NCOR1: variants seen among roughly 807,000 people sequenced by gnomAD.
The protein encoded by NCOR1 is nuclear receptor corepressor 1.
Under a neutral mutation model 288.1 loss-of-function variants are expected in NCOR1, and 63 were observed. The ratio of observed to expected loss-of-function variants is 0.22; its 90% CI spans 0.18 to 0.27. The LOEUF is 0.27. Among genes scored for constraint, NCOR1 ranks in the 10% least tolerant of loss-of-function variants. The pLI is 1.00. For missense variants in NCOR1, 2,397 were observed against 3,019.2 expected (o/e 0.79, Z 4.83); for synonymous variants, 1,007 against 1,065.9 (o/e 0.94, Z 1.08).
intron 19 of NCOR1, among the ~76,000 whole-genome samples, chr17:16,105,202 T>C (rs545849186): frequency 2.0e-5 from 3 of 152,100 alleles, no homozygotes; most frequent in Non-Finnish European, 2.9e-5. Context: ...TTTGGAAGAA[T>C]TACTTGGGCT....
chr17:16,044,601 G>T (rs762214923), intron 42 of NCOR1: 1 of 579,178 alleles, frequency 1.7e-6, no homozygotes, highest in Non-Finnish European at 3.4e-6. Context: ...GGCAGCGCCA[G>T]CCCCACACTT....
chr17:16,051,866 G>A (rs1051415595), intron 40 of NCOR1, among the ~76,000 whole-genome samples: 7 of 152,036 alleles, frequency 4.6e-5, no homozygotes, highest in African/African-American at 1.4e-4. Flanking sequence ...AGCTGAGATC[G>A]CGCCATTGCA....
At chr17:16,088,008 T>C (rs2064516153) in intron 22 of NCOR1, among the ~76,000 whole-genome samples, 1 of 152,168 alleles carries the variant, frequency 6.6e-6, no homozygotes, top group Non-Finnish European at 1.5e-5. Flanking sequence ...CATCTGTAAT[T>C]TTTGAAAATC....
In NCOR1 at chr17:16,050,032, A is replaced by T. The variant is rs140658702; in HGVS notation, c.6393-1044T>A. ...ACATCTCCCGAGTAACTGGGATTAC[A>T]GGCATGCGTCACCATGCCCAGCTAA... On this transcript the variant is annotated intron_variant, in intron 40 of 45. Coordinates refer to ENST00000268712, the MANE Select transcript of NCOR1 (RefSeq NM_006311.4). Among the ~76,000 whole-genome samples the T allele has an allele frequency of 2.8e-3, 425 of 152,210 alleles. 3 individuals are homozygous for T. The highest frequency in any genetic ancestry group is 9.4e-3 in the African/African-American group (391 of 41,518).
chr17:16,076,769 C>T (rs1292458237), intron 26 of NCOR1, among the ~76,000 whole-genome samples: 1 of 152,144 alleles, frequency 6.6e-6, no homozygotes, highest in East Asian at 1.9e-4. Flanking sequence ...AAAACACTTC[C>T]CAAAGCCAAA....
At chr17:16,106,893 T>A (rs1410403910) in intron 19 of NCOR1, among the ~76,000 whole-genome samples, 5 of 103,158 alleles carry the variant, frequency 4.8e-5, no homozygotes, top group South Asian at 3.8e-4. Context: ...ATTTTTTTTT[T>A]TTTTTTTTTT....
chr17:16,208,539 T>C (rs575663827), intron 1 of NCOR1, among the ~76,000 whole-genome samples: 79 of 149,820 alleles, frequency 5.3e-4, no homozygotes, highest in Non-Finnish European at 6.8e-4. Context: ...TAAACAGAAT[T>C]TTTTTTTTCT....
chr17:16,180,762 A>C (rs184270124), intron 3 of NCOR1, among the ~76,000 whole-genome samples: 4,755 of 152,166 alleles, frequency 0.031, 248 homozygotes, highest in African/African-American at 0.11. Context: ...AAAAAGAATA[A>C]AACAACAACC....
chr17:16,152,686 G>C (rs1568354512), intron 7 of NCOR1, among the ~76,000 whole-genome samples: 1 of 152,104 alleles, frequency 6.6e-6, no homozygotes, highest in Non-Finnish European at 1.5e-5. Context: ...GGATCGCTGG[G>C]TCAAATGGTA....
chr17:16,175,648 G>C (rs974308113), intron 3 of NCOR1, among the ~76,000 whole-genome samples: 1 of 151,862 alleles, frequency 6.6e-6, no homozygotes. Flanking sequence ...ATCACTTTAG[G>C]GGGCCAAGGC....
chr17:16,183,920 G>T (rs1358766541), intron 3 of NCOR1, among the ~76,000 whole-genome samples: 1 of 152,042 alleles, frequency 6.6e-6, no homozygotes, highest in Non-Finnish European at 1.5e-5. Flanking sequence ...AGAAAGCCCA[G>T]AAATAAATCT....
Position 16,101,497 on chromosome 17 carries a change from G to A in NCOR1, c.2443C>T (p.Pro815Ser). The change falls in exon 20 of 46, where the codon CCC becomes TCC. Residue 815 changes from proline to serine, a missense_variant. Pro to Ser is a moderately conservative substitution (Grantham distance 74). Coordinates refer to ENST00000268712, the MANE Select transcript of NCOR1 (RefSeq NM_006311.4). ...TCCACAGAGTCAGCTTTGGTAGCGG[G>A]TGGGGGATCACAAACAGAACCCTCT... ...AEEGSVCDPP[P>S]ATKADSVDVE... 6.2e-7 allele frequency: 1 copy of A among 1,614,178 alleles called. No individual in the cohort carries two copies. The highest frequency in any genetic ancestry group is 1.3e-5 in the African/African-American group (1 of 75,054).
At chr17:16,102,571 G>A (rs2067833374) in intron 19 of NCOR1, among the ~76,000 whole-genome samples, 1 of 151,350 alleles carries the variant, frequency 6.6e-6, no homozygotes, top group African/African-American at 2.4e-5. Context: ...AAAATCTGGT[G>A]TGCATTTTAC....
intron 18 of NCOR1, among the ~76,000 whole-genome samples, chr17:16,113,492 A>G (rs1262370907): frequency 6.6e-6 from 1 of 152,230 alleles, no homozygotes; most frequent in Non-Finnish European, 1.5e-5. Context: ...ATACTTATGC[A>G]TACTATTTTT....
chr17:16,035,005 C>G, intron 44 of NCOR1, 61 bp from the exon 45 acceptor site: 1 of 1,498,458 alleles, frequency 6.7e-7, no homozygotes, highest in Non-Finnish European at 9.2e-7. Flanking sequence ...TACCAAAATG[C>G]TAATGATTAT....
In NCOR1 at chr17:16,121,202, T is replaced by C; in HGVS notation, c.1702A>G (p.Thr568Ala). Residue 568 changes from threonine (T) to alanine (A), a missense_variant, in exon 16 of 46, where the codon ACA (threonine) becomes GCA (alanine). Transcript: ENST00000268712. ...AEETEEREQA[T>A]PRGRKTANSQ... ...TTGGCAGTCTTTCGCCCCCGGGGTG[T>C]GGCTTGCTCTCTTTCCTCAGTTTCT... The C allele has an allele frequency of 6.2e-7, 1 of 1,614,148 alleles. No homozygotes were observed. The highest frequency in any genetic ancestry group is 8.5e-7 in the Non-Finnish European group (1 of 1,180,030).
At chr17:16,163,550 C>T (rs2081329121) in intron 5 of NCOR1, among the ~76,000 whole-genome samples, 2 of 152,096 alleles carry the variant, frequency 1.3e-5, no homozygotes, top group South Asian at 4.1e-4. Context: ...AATGGAACCT[C>T]CATATACTGC....
At chr17:16,187,893 C>A (rs1389341054) in intron 2 of NCOR1, among the ~76,000 whole-genome samples, 2 of 145,706 alleles carry the variant, frequency 1.4e-5, no homozygotes, top group African/African-American at 2.5e-5. Flanking sequence ...GAGCAAGACA[C>A]CATCTTTAAA....
chr17:16,033,402 G>C (rs573634240), intron 45 of NCOR1, among the ~76,000 whole-genome samples: 1 of 149,754 alleles, frequency 6.7e-6, no homozygotes, highest in South Asian at 2.1e-4. Context: ...TAAATCTCAT[G>C]TATGGCCTAA....
Sources: gnomAD v4.1 joint callset for allele counts (sites outside exome capture counted in the v4.1 genomes callset) on GRCh38, gnomAD v4.1.1 for gene constraint, MANE v1.5 for transcripts, NCBI Gene and HGNC (gene_info 2026-07-23, HGNC 2026-07-21) for gene names.